Variants in ADAMTSL1 observed in about 807,000 individuals in gnomAD.
The protein encoded by ADAMTSL1 is ADAMTS like 1.
In ADAMTSL1, 126 loss-of-function variants were observed where a neutral mutation model predicts 201.8. That is an observed-to-expected ratio of 0.62 (90% CI 0.54 to 0.72). The LOEUF (loss-of-function observed/expected upper bound fraction) is 0.72. ADAMTSL1 is among the 30% of genes least tolerant of loss of function. ADAMTSL1 has a pLI of 0.00. For missense variants in ADAMTSL1, 2,679 were observed against 2,277.8 expected, an observed-to-expected ratio of 1.18 and a Z score of -3.59; for synonymous variants, 1,121 against 903.4, an observed-to-expected ratio of 1.24 and a Z score of -4.32.
At chr9:18,642,562 C>G (rs1827517256) in intron 7 of ADAMTSL1, among the ~76,000 whole-genome samples, 1 of 151,934 alleles carries the variant, frequency 6.6e-6, no homozygotes, top group Non-Finnish European at 1.5e-5. Flanking sequence ...TATCTTTTGA[C>G]CAACATTTCC....
intron 2 of ADAMTSL1, among the ~76,000 whole-genome samples, chr9:18,200,823 G>A (rs1312649550): frequency 6.6e-6 from 1 of 151,726 alleles, no homozygotes; most frequent in Non-Finnish European, 1.5e-5. Flanking sequence ...CCGAGTAACA[G>A]AATACAAGGA....
chr9:18,742,307 A>G (rs924058620), intron 15 of ADAMTSL1, among the ~76,000 whole-genome samples: 1 of 152,230 alleles, frequency 6.6e-6, no homozygotes, highest in African/African-American at 2.4e-5. Flanking sequence ...CAAATCAGTA[A>G]ATAGAGACAT....
chr9:18,507,087 G>T (rs188558078), intron 2 of ADAMTSL1, among the ~76,000 whole-genome samples: 15 of 152,248 alleles, frequency 9.9e-5, no homozygotes, highest in African/African-American at 3.4e-4. Context: ...AATTGTGAAA[G>T]AACTATTTAT....
chr9:18,282,560 G>T (rs535667214), intron 2 of ADAMTSL1, among the ~76,000 whole-genome samples: 1 of 152,152 alleles, frequency 6.6e-6, no homozygotes, highest in East Asian at 1.9e-4. Flanking sequence ...TTGCTTTATG[G>T]CTTAGAATAT....
chr9:18,501,583 T>C lies in ADAMTSL1; in HGVS notation c.64-3246T>C, dbSNP rs146423600. On this transcript the variant is annotated intron_variant, in intron 1 of 28. Coordinates refer to ENST00000380548, the MANE Select transcript of ADAMTSL1 (RefSeq NM_001040272.6). ...CAGGGCCAGACACAAAATTTGTTTA[T>C]AGTGAAGAAAGTCTTAAAAACTGCA... is the stretch of plus-strand genomic sequence containing the variant. 5.8e-3 allele frequency among the ~76,000 whole-genome samples: 870 copies of C among 150,956 alleles called. 8 individuals carry two copies. Among genetic ancestry groups the C allele is most frequent in the African/African-American group, 0.02 (825 of 41,122 alleles).
chr9:18,498,911 C>T (rs900322154), intron 1 of ADAMTSL1, among the ~76,000 whole-genome samples: 1 of 152,200 alleles, frequency 6.6e-6, no homozygotes, highest in African/African-American at 2.4e-5. Context: ...CTTAAGAAAC[C>T]CCAGTTTTCC....
intron 2 of ADAMTSL1, among the ~76,000 whole-genome samples, chr9:18,166,347 CTTG>C (rs1192376056): frequency 6.6e-6 from 1 of 151,824 alleles, no homozygotes; most frequent in African/African-American, 2.4e-5. Context: ...CCTCTATTGC[CTTG>C]TTGTTAACAT....
intron 1 of ADAMTSL1, among the ~76,000 whole-genome samples, chr9:17,965,472 A>G (rs189794850): frequency 1.3e-5 from 2 of 152,268 alleles, no homozygotes; most frequent in Non-Finnish European, 2.9e-5. Context: ...ATCTATGTTA[A>G]TTACTAACTG....
chr9:18,632,044 G>A (rs1826813915), intron 5 of ADAMTSL1, among the ~76,000 whole-genome samples: 2 of 152,218 alleles, frequency 1.3e-5, no homozygotes, highest in Admixed American at 1.3e-4. Flanking sequence ...GGCACCCAGA[G>A]GAATGTGCAG....
At chr9:18,800,406 G>GAAAAAAAAAAAAAA (rs1333240566) in intron 20 of ADAMTSL1, among the ~76,000 whole-genome samples, 3 of 113,822 alleles carry the variant, frequency 2.6e-5, no homozygotes, top group Non-Finnish European at 3.5e-5. Context: ...AAAAAAAAAG[G>GAAAAAAAAAAAAAA]AAAAATGGAC....
At chr9:18,110,486 G>A (rs1285041770) in intron 1 of ADAMTSL1, among the ~76,000 whole-genome samples, 1 of 152,144 alleles carries the variant, frequency 6.6e-6, no homozygotes, top group Admixed American at 6.6e-5. Context: ...AACTTCTTGT[G>A]ACACACCTGC....
chr9:18,262,467 C>A (rs1031355733), intron 2 of ADAMTSL1, among the ~76,000 whole-genome samples: 1 of 152,050 alleles, frequency 6.6e-6, no homozygotes, highest in African/African-American at 2.4e-5. Flanking sequence ...ACACTGTTGG[C>A]CAAAGAAAGC....
At chr9:18,508,287 C>A (rs1322163493) in intron 2 of ADAMTSL1, among the ~76,000 whole-genome samples, 5 of 152,168 alleles carry the variant, frequency 3.3e-5, no homozygotes. Context: ...TCTCTTCCTG[C>A]CATTCTGTAT....
intron 23 of ADAMTSL1, among the ~76,000 whole-genome samples, chr9:18,843,580 C>G: frequency 6.6e-6 from 1 of 150,446 alleles, no homozygotes; most frequent in Non-Finnish European, 1.5e-5. Flanking sequence ...GAATGTTGCC[C>G]TGCCTTGCTG....
intron 1 of ADAMTSL1, among the ~76,000 whole-genome samples, chr9:18,111,862 G>C (rs146730855): frequency 2.0e-5 from 3 of 152,248 alleles, no homozygotes; most frequent in African/African-American, 7.2e-5. Context: ...CACCCCATCA[G>C]TACTACCAGT....
chr9:18,461,669 C>A (rs1010617869), intron 2 of ADAMTSL1, among the ~76,000 whole-genome samples: 1 of 152,110 alleles, frequency 6.6e-6, no homozygotes, highest in African/African-American at 2.4e-5. Context: ...CTTGCCCTAA[C>A]CTGTCCAGCG....
At chr9:17,988,972 A>C (rs13287016) in intron 1 of ADAMTSL1, among the ~76,000 whole-genome samples, 1 of 151,932 alleles carries the variant, frequency 6.6e-6, no homozygotes. Context: ...TAAGAACAAA[A>C]TGATTTTTGT....
At chr9:18,589,174 G>A (rs1369893749) in intron 4 of ADAMTSL1, among the ~76,000 whole-genome samples, 1 of 151,902 alleles carries the variant, frequency 6.6e-6, no homozygotes, top group Non-Finnish European at 1.5e-5. Flanking sequence ...GCCACACCTG[G>A]TCTTGTTAAC....
chr9:18,572,634 AT>A (rs36104735), intron 3 of ADAMTSL1, among the ~76,000 whole-genome samples: 37,957 of 152,012 alleles, frequency 0.25, 5,145 homozygotes, highest in East Asian at 0.6. Context: ...TCTACCCCAC[AT>A]TGCCTAGAAA....
Sources: allele counts gnomAD v4.1 joint callset (sites outside exome capture counted in the v4.1 genomes callset), GRCh38; gene constraint gnomAD v4.1.1; transcripts MANE v1.5; gene names NCBI Gene and HGNC (gene_info 2026-07-23, HGNC 2026-07-21).